Variants in RSPRY1 observed in about 807,000 individuals in gnomAD.
The protein encoded by RSPRY1 is RING finger and SPRY domain-containing protein 1.
A neutral mutation model predicts 73.1 loss-of-function variants in RSPRY1; 23 were observed. That is an observed-to-expected ratio of 0.31 (90% CI 0.23 to 0.45). The LOEUF is 0.45. RSPRY1 is among the 20% of genes least tolerant of loss of function. The probability of loss-of-function intolerance (pLI) is 1.00; values close to 1 mark genes in which losing one functional copy is unlikely to be tolerated. For synonymous variants in RSPRY1, 226 were observed against 251.4 expected (o/e 0.90, Z 0.95); for missense variants, 448 against 698.7 (o/e 0.64, Z 4.05).
chr16:57,211,533 C>T (rs2074843772), intron 4 of RSPRY1, among the ~76,000 whole-genome samples: 1 of 152,194 alleles, frequency 6.6e-6, no homozygotes, highest in Non-Finnish European at 1.5e-5. Context: ...TGCACCACTG[C>T]ACTTCAGCCT....
At chr16:57,189,283 A>G (rs1297317687) in intron 1 of RSPRY1, among the ~76,000 whole-genome samples, 5 of 152,202 alleles carry the variant, frequency 3.3e-5, no homozygotes, top group African/African-American at 7.2e-5. Context: ...GGCATGAGCT[A>G]CTGTGCCTGG....
intron 8 of RSPRY1, among the ~76,000 whole-genome samples, chr16:57,218,005 T>C (rs190803799): frequency 4.3e-4 from 66 of 152,378 alleles, no homozygotes; most frequent in Non-Finnish European, 1.0e-4. Context: ...TTTGTTTGAT[T>C]GATCTTCAAA....
At chr16:57,230,462 C>T (rs1405566664) in intron 11 of RSPRY1, among the ~76,000 whole-genome samples, 1 of 152,180 alleles carries the variant, frequency 6.6e-6, no homozygotes, top group Non-Finnish European at 1.5e-5. Flanking sequence ...ATTTTAACAT[C>T]TTTGAAATTG....
intron 8 of RSPRY1, among the ~76,000 whole-genome samples, chr16:57,217,472 G>A (rs1434464377): frequency 6.6e-6 from 1 of 152,082 alleles, no homozygotes; most frequent in East Asian, 1.9e-4. Flanking sequence ...TACATCATGA[G>A]AATTGTTCCT....
chr16:57,231,366 T>A (rs1364938027), intron 13 of RSPRY1, 47 bp downstream of exon 13: 1 of 1,539,596 alleles, frequency 6.5e-7, no homozygotes, highest in Non-Finnish European at 8.8e-7. Context: ...ATGAATCTTA[T>A]GAGAAATTAA....
rs1162737560 is a variant in RSPRY1, at chr16:57,229,690, CTTTTTTTTTTTTTTTTTTT to C, written c.1274-1006_1274-988del. Among the ~76,000 whole-genome samples the C allele has an allele frequency of 4.3e-4, 18 of 42,142 alleles. 1 individual carries two copies. Among genetic ancestry groups the C allele is most frequent in the African/African-American group, 1.5e-3 (15 of 10,198 alleles). 27.6% of individuals were successfully genotyped at this position (42,142 alleles called of 152,430 possible). A position where few individuals can be genotyped will look rare whatever the true frequency, so the allele number is the denominator to read the frequency against. ...TTTATCTGATAAGTGAAGATAAATGCTTTTTTTTTTTTTTTTTTTTTTTTTTTTTTTTTGAGATGCAGTC... is the reference window on the plus strand; with the variant it reads ...TTTATCTGATAAGTGAAGATAAATGCTTTTTTTTTTTTTTGAGATGCAGTC... On this transcript the variant is annotated intron_variant, in intron 11 of 14. Coordinates refer to ENST00000394420, the MANE Select transcript of RSPRY1 (RefSeq NM_133368.3).
intron 11 of RSPRY1, among the ~76,000 whole-genome samples, chr16:57,229,442 C>T (rs2075172355): frequency 6.6e-6 from 1 of 151,810 alleles, no homozygotes; most frequent in Non-Finnish European, 1.5e-5. Context: ...TAATGAGACC[C>T]CCCATCTCTA....
chr16:57,218,731 T>TCTCTCGA (rs1288947442), intron 8 of RSPRY1, among the ~76,000 whole-genome samples: 1 of 102,426 alleles, frequency 9.8e-6, no homozygotes, highest in African/African-American at 4.1e-5. Context: ...TTTTTTTTTT[T>TCTCTCGA]TTTTTTTTTT....
At chr16:57,198,815 A>G (rs1751376588) in intron 1 of RSPRY1, among the ~76,000 whole-genome samples, 2 of 152,180 alleles carry the variant, frequency 1.3e-5, no homozygotes, top group African/African-American at 4.8e-5. Flanking sequence ...TACAGATTGT[A>G]TGGAAAGGCT....
At chr16:57,235,368 GT>G in intron 14 of RSPRY1, 140 bp downstream of exon 14, 1 of 624,394 alleles carries the variant, frequency 1.6e-6, no homozygotes, top group South Asian at 2.0e-5. Flanking sequence ...CTTCCAGAAA[GT>G]ACCTGAAATA....
intron 2 of RSPRY1, chr16:57,205,219 C>G (rs771054277): frequency 1.1e-5 from 6 of 548,512 alleles, no homozygotes; most frequent in Non-Finnish European, 1.6e-5. Flanking sequence ...CTGGAAATGT[C>G]TAAATGTTTC....
intron 1 of RSPRY1, among the ~76,000 whole-genome samples, chr16:57,202,042 C>T (rs1212030971): frequency 2.0e-5 from 3 of 151,984 alleles, no homozygotes; most frequent in Non-Finnish European, 2.9e-5. Context: ...CTCAGAGGGG[C>T]CGAGCAGGAT....
chr16:57,227,127 A>G (rs1303969197), intron 10 of RSPRY1, among the ~76,000 whole-genome samples: 1 of 152,228 alleles, frequency 6.6e-6, no homozygotes, highest in Non-Finnish European at 1.5e-5. Flanking sequence ...CAAAGGAGGC[A>G]CTGGGAAAAT....
In RSPRY1 at chr16:57,213,978, G is replaced by A. The variant is rs200599144; in HGVS notation, c.702+32G>A. On this transcript the variant is annotated intron_variant, in intron 6 of 14. Transcript: ENST00000394420. ...GAGACATCAAAACTATTTATTCTTA[G>A]TCATCTAGAAGTGGGCATCATCTAG... is the stretch of plus-strand genomic sequence containing the variant. 3.4e-6 allele frequency: 5 copies of A among 1,486,034 alleles called. No individual in the cohort carries two copies. The East Asian group carries it at 1.1e-4, about 34-fold the overall frequency. The allele number at this position is 1,486,034 out of a possible 1,614,324, so 92.1% of individuals were successfully genotyped here.
At chr16:57,192,273 C>A (rs922158546) in intron 1 of RSPRY1, among the ~76,000 whole-genome samples, 6 of 152,046 alleles carry the variant, frequency 3.9e-5, no homozygotes, top group Admixed American at 3.9e-4. Context: ...TAGAAAAATC[C>A]TTTTCCTTCA....
At chr16:57,202,464 T>A (rs1338552296) in intron 1 of RSPRY1, among the ~76,000 whole-genome samples, 1 of 152,256 alleles carries the variant, frequency 6.6e-6, no homozygotes, top group Non-Finnish European at 1.5e-5. Flanking sequence ...CTGATTTCTG[T>A]TTCCTCTATT....
intron 4 of RSPRY1, among the ~76,000 whole-genome samples, chr16:57,211,353 T>C (rs2074841371): frequency 6.6e-6 from 1 of 151,974 alleles, no homozygotes. Flanking sequence ...ACAGATCACT[T>C]GAGGTCAGGA....
At position 57,216,148 on chromosome 16, in the gene RSPRY1, C is replaced by T. The variant is rs777991006; in HGVS notation, c.744C>T (p.Ile248=). The change falls in exon 7 of 15, where the codon ATC becomes ATT. Residue 248 remains isoleucine (I), a synonymous_variant. Transcript: ENST00000394420. ...SHPTVMLFAL[I]ALEKFAQTSE... is the part of the protein sequence containing the mutation. ...CCACAGTCATGCTTTTTGCACTTAT[C>T]GCACTGGAAAAGTTTGCACAGACAA... 40 of 1,609,790 alleles carry T rather than the reference C, an allele frequency of 2.5e-5. No individual in the cohort carries two copies. Among genetic ancestry groups the T allele is most frequent in the Middle Eastern group, 1.6e-4 (1 of 6,082 alleles).
chr16:57,189,175 A>G (rs145012499), intron 1 of RSPRY1, among the ~76,000 whole-genome samples: 79 of 151,830 alleles, frequency 5.2e-4, no homozygotes, highest in African/African-American at 1.9e-3. Flanking sequence ...TTGTATTTTT[A>G]GTAGAGAGGG....
Sources: allele counts gnomAD v4.1 joint callset (sites outside exome capture counted in the v4.1 genomes callset), GRCh38; gene constraint gnomAD v4.1.1; transcripts MANE v1.5; gene names NCBI Gene and HGNC (gene_info 2026-07-23, HGNC 2026-07-21).